COL14A1: variants seen among roughly 807,000 people sequenced by gnomAD.
COL14A1 encodes the protein collagen type XIV alpha 1 chain.
In COL14A1, 136 loss-of-function variants were observed where a neutral mutation model predicts 230.3. The observed-to-expected ratio is 0.59, with a 90% CI of 0.51 to 0.68. The LOEUF (loss-of-function observed/expected upper bound fraction) is 0.68, where lower values mean the gene tolerates loss of function less well. COL14A1 is among the 30% of genes least tolerant of loss of function. The probability of loss-of-function intolerance (pLI) is 0.00; values close to 1 mark genes in which losing one functional copy is unlikely to be tolerated. For synonymous variants in COL14A1, 792 were observed against 784.1 expected (o/e 1.01, Z -0.17); for missense variants, 1,976 against 2,215.8 (o/e 0.89, Z 2.17).
At chr8:120,283,807 C>T (rs756259755) in intron 32 of COL14A1, 29 bp downstream of exon 32, 3 of 1,581,556 alleles carry the variant, frequency 1.9e-6, no homozygotes, top group African/African-American at 1.4e-5. Flanking sequence ...ATCACATTCA[C>T]ATATACATGT....
chr8:120,157,756 C>T (rs534030510), intron 2 of COL14A1, among the ~76,000 whole-genome samples: 7 of 152,118 alleles, frequency 4.6e-5, no homozygotes, highest in East Asian at 1.9e-4. Context: ...GAGGCCGAGG[C>T]GGGTGGATCC....
intron 12 of COL14A1, among the ~76,000 whole-genome samples, chr8:120,211,910 T>C (rs1044956607): frequency 6.6e-6 from 1 of 152,220 alleles, no homozygotes; most frequent in Non-Finnish European, 1.5e-5. Context: ...CAAGGTGAGT[T>C]GATCTCTTCT....
intron 36 of COL14A1, among the ~76,000 whole-genome samples, chr8:120,307,240 C>G (rs1446067462): frequency 6.6e-6 from 1 of 151,952 alleles, no homozygotes; most frequent in Non-Finnish European, 1.5e-5. Flanking sequence ...AAAAGGGGGT[C>G]AGAAAAGGCT....
At chr8:120,285,636 A>C (rs911406252) in intron 32 of COL14A1, among the ~76,000 whole-genome samples, 1 of 152,136 alleles carries the variant, frequency 6.6e-6, no homozygotes, top group South Asian at 2.1e-4. Context: ...GAGTATGTGT[A>C]GGAGTCTTTG....
At chr8:120,173,092 A>C (rs1816146479) in intron 5 of COL14A1, among the ~76,000 whole-genome samples, 1 of 152,108 alleles carries the variant, frequency 6.6e-6, no homozygotes, top group African/African-American at 2.4e-5. Context: ...TAATTTTTCT[A>C]ACTCCATTTT....
Position 120,342,427 on chromosome 8 carries a change from A to G in COL14A1, c.4869A>G (p.Val1623=), listed in dbSNP as rs1822336064. The G allele has an allele frequency of 1.2e-6, 2 of 1,613,920 alleles. No homozygotes were observed. Among genetic ancestry groups the G allele is most frequent in the African/African-American group, 1.3e-5 (1 of 74,920 alleles). ...QAMVRSVARQ[V]CEQLIQSHMA... is the part of the protein sequence containing the mutation. ...TGGTGAGATCAGTGGCGCGTCAAGT[A>G]TGCGAACAGCTCATCCAGAGTAAGT... The change falls in exon 44 of 48, where the codon GTA becomes GTG. Residue 1623 remains valine, a synonymous_variant. Transcript: ENST00000297848.
rs759468068 is a variant in COL14A1, at chr8:120,240,766, G to A, written c.2350-3113G>A. Among the ~76,000 whole-genome samples, 34 of 152,012 alleles carry A rather than the reference G, an allele frequency of 2.2e-4. 1 individual carries two copies. Among genetic ancestry groups the A allele is most frequent in the Admixed American group, 1.8e-3 (27 of 15,266 alleles). On this transcript the variant is annotated intron_variant, in intron 19 of 47. Coordinates refer to ENST00000297848, the MANE Select transcript of COL14A1 (RefSeq NM_021110.4). ...GTAAAACAAGGGGAATTTAATTTAC[G>A]TTTCCAGTTGAGGTAAATGAAATGT...
At chr8:120,287,869 C>T (rs1178913110) in intron 33 of COL14A1, among the ~76,000 whole-genome samples, 2 of 151,972 alleles carry the variant, frequency 1.3e-5, no homozygotes, top group East Asian at 3.9e-4. Context: ...CTTAATTTCT[C>T]ATTGATTTTC....
At chr8:120,324,380 C>T (rs566698967) in intron 40 of COL14A1, among the ~76,000 whole-genome samples, 1 of 152,164 alleles carries the variant, frequency 6.6e-6, no homozygotes, top group African/African-American at 2.4e-5. Flanking sequence ...TCCCATGTAA[C>T]CCAATGCAAG....
chr8:120,248,461 G>A (rs1179561324), intron 21 of COL14A1, among the ~76,000 whole-genome samples: 2 of 152,174 alleles, frequency 1.3e-5, no homozygotes, highest in East Asian at 3.9e-4. Flanking sequence ...TAGAATTGAT[G>A]TTATTAAGGT....
At chr8:120,214,610 C>G (rs925310455) in intron 13 of COL14A1, among the ~76,000 whole-genome samples, 2 of 152,140 alleles carry the variant, frequency 1.3e-5, no homozygotes, top group Non-Finnish European at 2.9e-5. Context: ...CACAAAGCCA[C>G]TGTGATTTAT....
At chr8:120,222,448 A>G (rs1817960118) in intron 14 of COL14A1, among the ~76,000 whole-genome samples, 2 of 152,160 alleles carry the variant, frequency 1.3e-5, no homozygotes, top group African/African-American at 4.8e-5. Flanking sequence ...TGATTCTTGC[A>G]TTCATCTGGG....
chr8:120,125,926 C>T (rs1814319580), intron 1 of COL14A1, among the ~76,000 whole-genome samples: 1 of 152,130 alleles, frequency 6.6e-6, no homozygotes, highest in Non-Finnish European at 1.5e-5. Context: ...CTAGGTAGAG[C>T]TCGATGATGG....
intron 45 of COL14A1, among the ~76,000 whole-genome samples, chr8:120,346,771 T>G (rs1393025970): frequency 6.6e-6 from 1 of 152,194 alleles, no homozygotes; most frequent in Non-Finnish European, 1.5e-5. Flanking sequence ...TTACTGTCTT[T>G]TCTTTCTGTT....
At chr8:120,135,255 T>A (rs1471216293) in intron 1 of COL14A1, among the ~76,000 whole-genome samples, 2 of 152,102 alleles carry the variant, frequency 1.3e-5, no homozygotes, top group Non-Finnish European at 2.9e-5. Flanking sequence ...TTTGGCAATA[T>A]GCATTAATAC....
At chr8:120,325,274 CA>C (rs1821619354) in intron 40 of COL14A1, among the ~76,000 whole-genome samples, 1 of 151,896 alleles carries the variant, frequency 6.6e-6, no homozygotes, top group South Asian at 2.1e-4. Flanking sequence ...ACTATGGGTG[CA>C]TATTAATATT....
In COL14A1 at chr8:120,231,635, C is replaced by A. The variant is rs746383969; in HGVS notation, c.2349+17C>A. ...ATAGGAACGGTCTGTATAAATTCAACTGACTAGAAACTCTGCAGATGTTAC... is the reference window on the plus strand; with the variant it reads ...ATAGGAACGGTCTGTATAAATTCAAATGACTAGAAACTCTGCAGATGTTAC... On this transcript the variant is annotated intron_variant, in intron 19 of 47. Transcript: ENST00000297848. The A allele has an allele frequency of 4.3e-6, 7 of 1,609,934 alleles. No individual in the cohort carries two copies. In the East Asian group the frequency reaches 1.6e-4, roughly 36 times the overall value.
At chr8:120,150,669 T>C (rs1253638959) in intron 2 of COL14A1, among the ~76,000 whole-genome samples, 1 of 152,162 alleles carries the variant, frequency 6.6e-6, no homozygotes, top group Non-Finnish European at 1.5e-5. Flanking sequence ...TCAGTCATAG[T>C]AGACATTTGT....
chr8:120,186,804 A>G (rs935759869), intron 5 of COL14A1, among the ~76,000 whole-genome samples: 3 of 152,222 alleles, frequency 2.0e-5, no homozygotes, highest in African/African-American at 7.2e-5. Flanking sequence ...TAGTTTACCT[A>G]CACTGATGTA....
Sources: gnomAD v4.1 joint callset for allele counts (sites outside exome capture counted in the v4.1 genomes callset) on GRCh38, gnomAD v4.1.1 for gene constraint, MANE v1.5 for transcripts, NCBI Gene and HGNC (gene_info 2026-07-23, HGNC 2026-07-21) for gene names.